ZNF366: variants seen among roughly 807,000 people sequenced by gnomAD.
The protein encoded by ZNF366 is zinc finger protein 366.
In ZNF366, 20 loss-of-function variants were observed where a neutral mutation model predicts 47.2. That is an observed-to-expected ratio of 0.42 (90% CI 0.30 to 0.62). The LOEUF is 0.62. Among genes scored for constraint, ZNF366 ranks in the 20% least tolerant of loss-of-function variants. The pLI is 0.16. For missense variants in ZNF366, 987 were observed against 976.3 expected, an observed-to-expected ratio of 1.01 and a Z score of -0.15; for synonymous variants, 421 against 395.1, an observed-to-expected ratio of 1.07 and a Z score of -0.78.
intron 1 of ZNF366, among the ~76,000 whole-genome samples, chr5:72,464,133 C>T (rs958671871): frequency 6.6e-6 from 1 of 152,052 alleles, no homozygotes; most frequent in Non-Finnish European, 1.5e-5. Flanking sequence ...ATTCCTGGTA[C>T]ATGCTAGAGA....
chr5:72,491,293 T>C (rs970375436), intron 1 of ZNF366, among the ~76,000 whole-genome samples: 3 of 152,234 alleles, frequency 2.0e-5, no homozygotes, highest in African/African-American at 7.2e-5. Flanking sequence ...CACAGTTTTG[T>C]CCACTCTAAG....
chr5:72,440,770 A>G lies in ZNF366; in HGVS notation c.*2986T>C, dbSNP rs777743637. ...AAACCACGATCATCCCAGGCAAACC[A>G]GGATGTTGGTCACTCAACAGCATAC... On this transcript the variant is annotated 3_prime_UTR_variant, in exon 5 of 5. Coordinates refer to ENST00000318442, the MANE Select transcript of ZNF366 (RefSeq NM_152625.3). 2 of 152,214 alleles carry G rather than the reference A, an allele frequency of 1.3e-5. No individual in the cohort carries two copies. Among genetic ancestry groups the G allele is most frequent in the African/African-American group, 2.4e-5 (1 of 41,446 alleles). 9.4% of individuals were successfully genotyped at this position (152,214 alleles called of 1,614,324 possible).
chr5:72,462,096 T>C (rs1378930950), intron 1 of ZNF366, among the ~76,000 whole-genome samples: 1 of 152,214 alleles, frequency 6.6e-6, no homozygotes, highest in Non-Finnish European at 1.5e-5. Context: ...CAAAGCCTCA[T>C]AGGAGAAGGG....
intron 1 of ZNF366, among the ~76,000 whole-genome samples, chr5:72,480,474 G>T (rs1014922688): frequency 6.6e-6 from 1 of 151,764 alleles, no homozygotes; most frequent in African/African-American, 2.4e-5. Flanking sequence ...TGTACTCCAT[G>T]CTTCCCCACA....
In ZNF366 at chr5:72,479,825, C is replaced by G. The variant is rs116702676; in HGVS notation, c.-14-18315G>C. On this transcript the variant is annotated intron_variant, in intron 1 of 4. Transcript: ENST00000318442. ...TATATAAACACACACCTGCCTGAGA[C>G]AGCTTAGATGACTGGAAGGTATAAG... Among the ~76,000 whole-genome samples the G allele has an allele frequency of 2.9e-3, 444 of 152,330 alleles. 2 individuals are homozygous for G. The highest frequency in any genetic ancestry group is 0.01 in the African/African-American group (418 of 41,564).
intron 1 of ZNF366, among the ~76,000 whole-genome samples, chr5:72,485,282 G>C (rs1354163330): frequency 1.3e-5 from 2 of 152,120 alleles, no homozygotes; most frequent in Non-Finnish European, 2.9e-5. Context: ...ATGAGGTCAG[G>C]GATCCTGTTA....
chr5:72,488,914 T>A (rs1743948806), intron 1 of ZNF366, among the ~76,000 whole-genome samples: 1 of 152,218 alleles, frequency 6.6e-6, no homozygotes, highest in Non-Finnish European at 1.5e-5. Context: ...GAGACAATAA[T>A]ACTTTATTCA....
At position 72,460,235 on chromosome 5, in the gene ZNF366, T is replaced by G. The variant is rs1224890832; in HGVS notation, c.1262A>C (p.Tyr421Ser). Reference protein sequence around the residue: ...HMMKHKDIRPYICSECGMEFV... With the variant: ...HMMKHKDIRPSICSECGMEFV... ...CTCCATGCCACACTCTGAGCAGATG[T>G]AGGGCCGGATGTCCTTGTGCTTCAT... The change falls in exon 2 of 5, where the codon TAC becomes TCC. Residue 421 changes from tyrosine to serine, a missense_variant. Around this residue, in one of 3 missense-constraint regions of ZNF366, gnomAD observed 111 missense variants for 180.5 expected, o/e 0.61. Transcript: ENST00000318442. 6.2e-7 allele frequency: 1 copy of G among 1,614,264 alleles called. No homozygotes were observed. Among genetic ancestry groups the G allele is most frequent in the South Asian group, 1.1e-5 (1 of 91,092 alleles).
intron 1 of ZNF366, among the ~76,000 whole-genome samples, chr5:72,502,404 A>G (rs888021201): frequency 6.6e-6 from 1 of 152,200 alleles, no homozygotes; most frequent in Non-Finnish European, 1.5e-5. Flanking sequence ...TGCTGTCTCT[A>G]TGTTCCTGTC....
At chr5:72,447,941 G>A (rs989227920) in intron 3 of ZNF366, among the ~76,000 whole-genome samples, 16 of 152,166 alleles carry the variant, frequency 1.1e-4, no homozygotes, top group African/African-American at 3.6e-4. Flanking sequence ...GGGTGCTGAA[G>A]CTGGGTTAAT....
chr5:72,477,127 A>C (rs1315013674), intron 1 of ZNF366, among the ~76,000 whole-genome samples: 1 of 152,234 alleles, frequency 6.6e-6, no homozygotes, highest in Non-Finnish European at 1.5e-5. Context: ...TATTAAAAAA[A>C]TTTCTAACAA....
chr5:72,443,639 A>T lies in ZNF366; in HGVS notation c.*117T>A. 8.7e-7 allele frequency: 1 copy of T among 1,149,576 alleles called. No homozygotes were observed. The allele number at this position is 1,149,576 out of a possible 1,614,324, so 71.2% of individuals were successfully genotyped here. A position where few individuals can be genotyped will look rare whatever the true frequency, so the allele number is the denominator to read the frequency against. ...CCTACATCCCTGCTCATTTAGTCTA[A>T]GCCATTTGTAGAGATTGGTACTATT... is the stretch of plus-strand genomic sequence containing the variant. On this transcript the variant is annotated 3_prime_UTR_variant, in exon 5 of 5. Coordinates refer to ENST00000318442, the MANE Select transcript of ZNF366 (RefSeq NM_152625.3).
At position 72,461,003 on chromosome 5, in the gene ZNF366, G is replaced by A. The variant is rs755788457; in HGVS notation, c.494C>T (p.Thr165Met). 5.0e-6 allele frequency: 8 copies of A among 1,614,078 alleles called. No homozygotes were observed. The highest frequency in any genetic ancestry group is 6.8e-6 in the Non-Finnish European group (8 of 1,180,014). The change falls in exon 2 of 5, where the codon ACG (threonine) becomes ATG (methionine). Residue 165 changes from threonine to methionine, a missense_variant. Around this residue, in one of 3 missense-constraint regions of ZNF366, gnomAD observed 591 missense variants for 560.9 expected, o/e 1.05. Transcript: ENST00000318442. ...GGGCGTGGGCAGGAATGGAGTGGGC[G>A]TTGGCTGGGGCCACACGGCGCTGGG... Reference protein sequence around the residue: ...IKPSAVWPQPTPTPFLPTPYP... With the variant: ...IKPSAVWPQPMPTPFLPTPYP...
At chr5:72,447,126 C>T (rs1742975340) in intron 4 of ZNF366, 117 bp downstream of exon 4, 6 of 1,141,744 alleles carry the variant, frequency 5.3e-6, no homozygotes, top group South Asian at 4.7e-5. Context: ...GTTACTCTTG[C>T]TACTCTGCTG....
In ZNF366 at chr5:72,444,095, G is replaced by A; in HGVS notation, c.1896C>T (p.Ser632=). 1.2e-6 allele frequency: 2 copies of A among 1,614,112 alleles called. No homozygotes were observed. The highest frequency in any genetic ancestry group is 1.7e-6 in the Non-Finnish European group (2 of 1,180,028). The change falls in exon 5 of 5, where the codon AGC becomes AGT. Residue 632 remains serine, a synonymous_variant. Coordinates refer to ENST00000318442, the MANE Select transcript of ZNF366 (RefSeq NM_152625.3). The part of the protein sequence containing the change: ...EDNCYEVEPY[S]PGLAPQSQQL... ...GCTGGCTCTGGGGGGCCAGGCCAGG[G>A]CTGTAGGGCTCCACCTCGTAGCAGT...
intron 1 of ZNF366, among the ~76,000 whole-genome samples, chr5:72,500,402 C>A (rs752676989): frequency 1.3e-5 from 2 of 152,124 alleles, no homozygotes; most frequent in Non-Finnish European, 2.9e-5. Flanking sequence ...GAGCCTTGGT[C>A]CCCTCTTCAG....
At position 72,442,349 on chromosome 5, in the gene ZNF366, AG is replaced by A. The variant is rs1742869926; in HGVS notation, c.*1406del. 1 of 152,160 alleles carries A rather than the reference AG, an allele frequency of 6.6e-6. No homozygotes were observed. Among genetic ancestry groups the A allele is most frequent in the South Asian group, 2.1e-4 (1 of 4,832 alleles). 9.4% of individuals were successfully genotyped at this position (152,160 alleles called of 1,614,324 possible). On this transcript the variant is annotated 3_prime_UTR_variant, in exon 5 of 5. Transcript: ENST00000318442. ...TTGGCTGCACATAAGAATTGCCAGGAGCAATTTGGAAAATTTCAGTCCTAGG... is the reference window on the plus strand; with the variant it reads ...TTGGCTGCACATAAGAATTGCCAGGACAATTTGGAAAATTTCAGTCCTAGG...
rs773014060 is a variant in ZNF366 at position 72,460,464 on chromosome 5, C to G, written c.1033G>C (p.Gly345Arg). ...KPHNCRVCGRGFAYPSELKAH... is the reference protein window; with the variant it reads ...KPHNCRVCGRRFAYPSELKAH... Reference sequence around the variant, plus strand: ...TTGAGCTCGCTGGGGTAGGCAAAGCCGCGGCCGCACACGCGGCAGTTGTGC... The same window carrying G: ...TTGAGCTCGCTGGGGTAGGCAAAGCGGCGGCCGCACACGCGGCAGTTGTGC... Residue 345 changes from glycine to arginine, a missense_variant, in exon 2 of 5, where the codon GGC (glycine) becomes CGC (arginine). Physicochemically the swap from Gly to Arg is moderately radical, Grantham distance 125 (BLOSUM62 -2). Around this residue, in one of 3 missense-constraint regions of ZNF366, gnomAD observed 591 missense variants for 560.9 expected, o/e 1.05. Coordinates refer to ENST00000318442, the MANE Select transcript of ZNF366 (RefSeq NM_152625.3). 6.2e-7 allele frequency: 1 copy of G among 1,613,868 alleles called. No homozygotes were observed. The highest frequency in any genetic ancestry group is 8.5e-7 in the Non-Finnish European group (1 of 1,179,972).
At chr5:72,490,127 C>T (rs1743976134) in intron 1 of ZNF366, among the ~76,000 whole-genome samples, 1 of 152,202 alleles carries the variant, frequency 6.6e-6, no homozygotes, top group African/African-American at 2.4e-5. Context: ...AAGTTCCAGG[C>T]TTCAAGAGTA....
Sources: gnomAD v4.1 joint callset for allele counts (sites outside exome capture counted in the v4.1 genomes callset) on GRCh38, gnomAD v4.1.1 for gene constraint, gnomAD v4.1.1 regional missense constraint, MANE v1.5 for transcripts, NCBI Gene and HGNC (gene_info 2026-07-23, HGNC 2026-07-21) for gene names.